The following FAM107B variants were observed in gnomAD, a reference collection of about 807,000 sequenced individuals.
The protein encoded by FAM107B is protein FAM107B.
FAM107B carries 21 observed loss-of-function variants against 31.5 expected under a neutral mutation model. That is an observed-to-expected ratio of 0.67 (90% CI 0.47 to 0.96). FAM107B has a LOEUF of 0.96. Ranked by LOEUF, FAM107B falls within the 40% of genes least tolerant of loss-of-function variation. The pLI is 0.00. For synonymous variants in FAM107B, 157 were observed against 141.5 expected, an observed-to-expected ratio of 1.11 and a Z score of -0.78; for missense variants, 452 against 377.1, an observed-to-expected ratio of 1.20 and a Z score of -1.64.
intron 1 of FAM107B, among the ~76,000 whole-genome samples, chr10:14,772,278 T>C (rs1347431470): frequency 2.0e-5 from 3 of 151,662 alleles, no homozygotes; most frequent in Non-Finnish European, 4.4e-5. Context: ...TGCTTGAACC[T>C]GGGAGGCAGA....
chr10:14,645,114 G>A (rs1853720453), intron 2 of FAM107B, among the ~76,000 whole-genome samples: 1 of 152,166 alleles, frequency 6.6e-6, no homozygotes, highest in Non-Finnish European at 1.5e-5. Flanking sequence ...GAGTGTGGTA[G>A]GGAGAGGAAA....
intron 2 of FAM107B, among the ~76,000 whole-genome samples, chr10:14,651,081 C>T (rs1433448049): frequency 1.3e-5 from 2 of 152,180 alleles, no homozygotes; most frequent in Non-Finnish European, 2.9e-5. Context: ...CCAAATTAAG[C>T]AAGCTGTACT....
At position 14,573,436 on chromosome 10, in the gene FAM107B, C is replaced by T. The variant is rs566802673; in HGVS notation, c.470-42921G>A. Reference sequence around the variant, plus strand: ...TCCCAGTCTCCAGAACTATAAGAAACACATTTTTGGCTGGGTGTGGTGGTT... The same window carrying T: ...TCCCAGTCTCCAGAACTATAAGAAATACATTTTTGGCTGGGTGTGGTGGTT... On this transcript the variant is annotated intron_variant, in intron 2 of 4. Coordinates refer to ENST00000181796, the MANE Select transcript of FAM107B (RefSeq NM_031453.4). 3.3e-5 allele frequency among the ~76,000 whole-genome samples: 5 copies of T among 152,126 alleles called. No individual in the cohort carries two copies. The South Asian group carries it at 1.0e-3, about 32-fold the overall frequency.
At chr10:14,749,196 G>A (rs533255977) in intron 1 of FAM107B, among the ~76,000 whole-genome samples, 1 of 152,276 alleles carries the variant, frequency 6.6e-6, no homozygotes, top group Admixed American at 6.5e-5. Flanking sequence ...GAAAGGCTAT[G>A]TTTATAAGCC....
chr10:14,757,747 G>A (rs1832958832), intron 1 of FAM107B, among the ~76,000 whole-genome samples: 1 of 152,210 alleles, frequency 6.6e-6, no homozygotes, highest in Admixed American at 6.5e-5. Flanking sequence ...AAAGCAGGCA[G>A]GGCCTTTTTC....
chr10:14,550,936 A>G (rs1257575252), intron 2 of FAM107B, among the ~76,000 whole-genome samples: 6 of 152,214 alleles, frequency 3.9e-5, no homozygotes, highest in African/African-American at 1.4e-4. Context: ...GAACAATTGT[A>G]AAATAATTAT....
intron 1 of FAM107B, among the ~76,000 whole-genome samples, chr10:14,686,387 T>A (rs2131502275): frequency 7.1e-6 from 1 of 140,674 alleles, no homozygotes; most frequent in South Asian, 2.3e-4. Flanking sequence ...AGACTCTGCA[T>A]GTCTCAAAAA....
intron 1 of FAM107B, among the ~76,000 whole-genome samples, chr10:14,705,710 G>A (rs12774200): frequency 0.26 from 39,480 of 151,754 alleles, 5,588 homozygotes; most frequent in Middle Eastern, 0.41. Context: ...CAAGGGCTAG[G>A]TGGAGAAGAA....
intron 2 of FAM107B, among the ~76,000 whole-genome samples, chr10:14,621,845 G>A (rs114622288): frequency 0.017 from 2,604 of 152,234 alleles, 69 homozygotes; most frequent in African/African-American, 0.06. Context: ...AAAAGAAAGG[G>A]AAGGAAAAAT....
intron 2 of FAM107B, among the ~76,000 whole-genome samples, chr10:14,630,742 T>C (rs969514030): frequency 6.6e-6 from 1 of 152,012 alleles, no homozygotes; most frequent in Non-Finnish European, 1.5e-5. Context: ...TCCCAGCTAC[T>C]TGGGAGGCTA....
intron 2 of FAM107B, among the ~76,000 whole-genome samples, chr10:14,581,356 T>G (rs968773859): frequency 6.6e-6 from 1 of 152,164 alleles, no homozygotes; most frequent in African/African-American, 2.4e-5. Context: ...GTGGCTGCGG[T>G]AGGGTGCCAC....
intron 2 of FAM107B, among the ~76,000 whole-genome samples, chr10:14,550,401 T>C (rs1849147595): frequency 6.6e-6 from 1 of 152,150 alleles, no homozygotes. Context: ...CAAGAACCAA[T>C]ACATATCCTC....
At chr10:14,720,175 G>T (rs1481672188) in intron 1 of FAM107B, among the ~76,000 whole-genome samples, 1 of 152,144 alleles carries the variant, frequency 6.6e-6, no homozygotes, top group East Asian at 1.9e-4. Flanking sequence ...TTATCAAGTA[G>T]GTAGGTGATT....
chr10:14,526,298 C>A (rs1468502817), intron 3 of FAM107B, among the ~76,000 whole-genome samples: 2 of 152,020 alleles, frequency 1.3e-5, no homozygotes, highest in Non-Finnish European at 2.9e-5. Context: ...CTCAGCCTCC[C>A]AAGTAGCTGG....
rs151149333 is a variant in FAM107B, at chr10:14,613,075, A to G, written c.469+54559T>C. Reference sequence around the variant, plus strand: ...CAACCTCCACCTCCCAGGTTCAAGCAATTCTCCTGCCTCAGCCCCGCGAGC... The same window carrying G: ...CAACCTCCACCTCCCAGGTTCAAGCGATTCTCCTGCCTCAGCCCCGCGAGC... On this transcript the variant is annotated intron_variant, in intron 2 of 4. Coordinates refer to ENST00000181796, the MANE Select transcript of FAM107B (RefSeq NM_031453.4). Among the ~76,000 whole-genome samples, 1,110 of 152,192 alleles carry G rather than the reference A, an allele frequency of 7.3e-3. 14 individuals are homozygous for G. Among genetic ancestry groups the G allele is most frequent in the African/African-American group, 0.026 (1,060 of 41,514 alleles).
chr10:14,533,032 C>T (rs531565297), intron 2 of FAM107B, among the ~76,000 whole-genome samples: 24 of 152,224 alleles, frequency 1.6e-4, no homozygotes, highest in African/African-American at 5.5e-4. Flanking sequence ...GGATATAGAG[C>T]GTGGGAACTT....
intron 2 of FAM107B, among the ~76,000 whole-genome samples, chr10:14,557,500 C>A (rs551783258): frequency 6.6e-6 from 1 of 152,194 alleles, no homozygotes; most frequent in African/African-American, 2.4e-5. Context: ...AAGTACCCAA[C>A]CAGGTTGGGT....
intron 2 of FAM107B, among the ~76,000 whole-genome samples, chr10:14,613,590 C>T (rs1408769324): frequency 6.6e-6 from 1 of 152,196 alleles, no homozygotes; most frequent in Non-Finnish European, 1.5e-5. Flanking sequence ...CAAGACATTG[C>T]TTTCTCTGTC....
rs34298402 is a variant in FAM107B at position 14,537,833 on chromosome 10, C to CAA, written c.470-7320_470-7319dup. Among the ~76,000 whole-genome samples, 287 of 85,516 alleles carry CAA rather than the reference C, an allele frequency of 3.4e-3. 1 individual carries two copies. The highest frequency in any genetic ancestry group is 5.3e-3 in the Middle Eastern group (1 of 190). The allele number at this position is 85,516 out of a possible 152,430, so 56.1% of individuals were successfully genotyped here. A position where few individuals can be genotyped will look rare whatever the true frequency, so the allele number is the denominator to read the frequency against. On this transcript the variant is annotated intron_variant, in intron 2 of 4. Coordinates refer to ENST00000181796, the MANE Select transcript of FAM107B (RefSeq NM_031453.4). ...CTGGCGACAGAGTGAGACTCTGTCTCAAAAAAAAAAAAAAAAAAAATGAAA... is the reference window on the plus strand; with the variant it reads ...CTGGCGACAGAGTGAGACTCTGTCTCAAAAAAAAAAAAAAAAAAAAAATGAAA...
Sources: gnomAD v4.1 joint callset for allele counts (sites outside exome capture counted in the v4.1 genomes callset) on GRCh38, gnomAD v4.1.1 for gene constraint, MANE v1.5 for transcripts, NCBI Gene and HGNC (gene_info 2026-07-23, HGNC 2026-07-21) for gene names.